UBR4: variants seen among roughly 807,000 people sequenced by gnomAD.
UBR4 encodes the protein E3 ubiquitin-protein ligase UBR4.
Under a neutral mutation model 575.6 loss-of-function variants are expected in UBR4, and 124 were observed. The ratio of observed to expected loss-of-function variants is 0.22; its 90% CI spans 0.19 to 0.25. The LOEUF (loss-of-function observed/expected upper bound fraction) is 0.25, where lower values mean the gene tolerates loss of function less well. Among genes scored for constraint, UBR4 ranks in the 10% least tolerant of loss-of-function variants. The pLI, the probability that UBR4 is intolerant of heterozygous loss-of-function variation, is 1.00. For missense variants in UBR4, 4,818 were observed against 6,478.8 expected (o/e 0.74, Z 8.80); for synonymous variants, 2,455 against 2,473.7 (o/e 0.99, Z 0.22).
intron 88 of UBR4, among the ~76,000 whole-genome samples, chr1:19,101,273 A>T (rs1021605171): frequency 1.3e-5 from 2 of 152,194 alleles, no homozygotes. Flanking sequence ...CCTAGTTTTT[A>T]AAAAAACATG....
At chr1:19,137,827 G>A (rs916350834) in intron 60 of UBR4, among the ~76,000 whole-genome samples, 180 bp downstream of exon 60, 3 of 152,176 alleles carry the variant, frequency 2.0e-5, no homozygotes, top group Non-Finnish European at 2.9e-5. Flanking sequence ...ATAATTCGAA[G>A]ACAAAGACAG....
In UBR4 at chr1:19,104,093, T is replaced by C; in HGVS notation, c.12892A>G (p.Met4298Val). ...CACTGGGCAGTGCTACCTGTGGTCATGTCCTCCAGCATCTCCAGCAGCATG... is the reference window on the plus strand; with the variant it reads ...CACTGGGCAGTGCTACCTGTGGTCACGTCCTCCAGCATCTCCAGCAGCATG... ...QDMLLEMLED[M>V]TTGTESETKA... Residue 4298 changes from methionine to valine, a missense_variant, in exon 87 of 106, where the codon ATG (methionine) becomes GTG (valine). By Grantham distance (21) the Met-to-Val change is conservative. Transcript: ENST00000375254. 1 of 1,614,212 alleles carries C rather than the reference T, an allele frequency of 6.2e-7. No individual in the cohort carries two copies.
At position 19,197,298 on chromosome 1, in the gene UBR4, T is replaced by C. The variant is rs1369988018; in HGVS notation, c.894-33A>G. ...ATGACAGAGATCAACAAGTGTCTCTTAGAATCATTCACTTCTATAATGTGA... is the reference window on the plus strand; with the variant it reads ...ATGACAGAGATCAACAAGTGTCTCTCAGAATCATTCACTTCTATAATGTGA... On this transcript the variant is annotated intron_variant, in intron 7 of 105. Coordinates refer to ENST00000375254, the MANE Select transcript of UBR4 (RefSeq NM_020765.3). The C allele has an allele frequency of 1.9e-6, 3 of 1,613,524 alleles. No individual in the cohort carries two copies. In the South Asian group the frequency reaches 3.3e-5, roughly 18 times the overall value.
At chr1:19,084,362 C>T in intron 102 of UBR4, 142 bp downstream of exon 102, 1 of 789,782 alleles carries the variant, frequency 1.3e-6, no homozygotes, top group Non-Finnish European at 1.9e-6. Flanking sequence ...ATGAGCATCC[C>T]CACCTCGGCA....
intron 20 of UBR4, among the ~76,000 whole-genome samples, chr1:19,175,260 G>T (rs1294459018): frequency 6.7e-6 from 1 of 149,852 alleles, no homozygotes; most frequent in Non-Finnish European, 1.5e-5. Flanking sequence ...ACCCCCAGTT[G>T]TGACAACCAA....
chr1:19,172,379 C>T lies in UBR4; in HGVS notation c.3521+485G>A, dbSNP rs182520955. On this transcript the variant is annotated intron_variant, in intron 25 of 105. Transcript: ENST00000375254. Reference sequence around the variant, plus strand: ...TAAAAACACAAAAATTAGCCAGGCACGGTGGTGCATGCCTGTAATCCCAGC... The same window carrying T: ...TAAAAACACAAAAATTAGCCAGGCATGGTGGTGCATGCCTGTAATCCCAGC... 3.4e-4 allele frequency among the ~76,000 whole-genome samples: 51 copies of T among 152,040 alleles called. 1 individual carries two copies. In the East Asian group the frequency reaches 7.8e-3, roughly 23 times the overall value.
At chr1:19,202,101 G>A (rs1051954930) in intron 1 of UBR4, among the ~76,000 whole-genome samples, 1 of 152,102 alleles carries the variant, frequency 6.6e-6, no homozygotes, top group Non-Finnish European at 1.5e-5. Flanking sequence ...GCTGAGGCAG[G>A]AGAATTGCTT....
intron 22 of UBR4, 52 bp from the exon 23 acceptor site, chr1:19,173,673 C>G: frequency 6.4e-7 from 1 of 1,561,890 alleles, no homozygotes; most frequent in Non-Finnish European, 8.8e-7. Flanking sequence ...GCCTCAAGAT[C>G]TCCCTCACAG....
chr1:19,120,420 C>T, intron 68 of UBR4, 72 bp from the exon 69 acceptor site: 1 of 1,524,260 alleles, frequency 6.6e-7, no homozygotes, highest in Middle Eastern at 1.8e-4. Flanking sequence ...GCCTGGGCTA[C>T]CAAATGGTGA....
chr1:19,121,462 C>A, intron 67 of UBR4, 28 bp from the exon 68 acceptor site: 1 of 1,600,004 alleles, frequency 6.2e-7, no homozygotes, highest in African/African-American at 1.3e-5. Context: ...AGAGGCTCAC[C>A]TCTGAGACGA....
At chr1:19,121,811 C>T in intron 67 of UBR4, 123 bp downstream of exon 67, 1 of 1,158,046 alleles carries the variant, frequency 8.6e-7, no homozygotes, top group Non-Finnish European at 1.2e-6. Context: ...AGACAGAGTT[C>T]TGTCTAGTCT....
At position 19,146,810 on chromosome 1, in the gene UBR4, C is replaced by G. The variant is rs1381010615; in HGVS notation, c.7804+16G>C. On this transcript the variant is annotated intron_variant, in intron 52 of 105. Transcript: ENST00000375254. Reference sequence around the variant, plus strand: ...GAAGCAGATCTCAGGACCACGGCCACAGAGGCCAAGTTCACCTGTTTCCAT... The same window carrying G: ...GAAGCAGATCTCAGGACCACGGCCAGAGAGGCCAAGTTCACCTGTTTCCAT... 3.7e-6 allele frequency: 6 copies of G among 1,607,850 alleles called. No homozygotes were observed. In the African/African-American group the frequency reaches 8.0e-5, roughly 21 times the overall value.
At chr1:19,197,600 C>G in intron 7 of UBR4, 70 bp downstream of exon 7, 2 of 1,576,086 alleles carry the variant, frequency 1.3e-6, no homozygotes, top group Non-Finnish European at 1.7e-6. Context: ...GCACTCCAGC[C>G]TGGGTGACAG....
At chr1:19,182,390 A>G (rs547762962) in intron 17 of UBR4, among the ~76,000 whole-genome samples, 74 of 151,898 alleles carry the variant, frequency 4.9e-4, no homozygotes, top group African/African-American at 1.7e-3. Context: ...TGCCCAGGCT[A>G]AAGTACAGTG....
At position 19,095,037 on chromosome 1, in the gene UBR4, G is replaced by A; in HGVS notation, c.13627-12C>T. ...TCAGCTACAAGGGCCTGTAGGAGAA[G>A]GAGACTCAGTCACTCTCAGAATAAG... On this transcript the variant is annotated splice_polypyrimidine_tract_variant and intron_variant, in intron 93 of 105. Transcript: ENST00000375254. The A allele has an allele frequency of 6.2e-7, 1 of 1,614,132 alleles. No individual in the cohort carries two copies. The highest frequency in any genetic ancestry group is 1.1e-5 in the South Asian group (1 of 91,080).
In UBR4 at chr1:19,080,862, CG is replaced by C. The variant is rs527846042; in HGVS notation, c.15233+486del. 2.1e-4 allele frequency: 32 copies of C among 154,704 alleles called. 1 individual carries two copies. In the South Asian group the frequency reaches 6.2e-3, roughly 30 times the overall value. 9.6% of individuals were successfully genotyped at this position (154,704 alleles called of 1,614,324 possible). ...GCTCTTTCTTGGGGAGGTGTCCACA[CG>C]TATAGGAGAGTGGTCTAGAGGAAGA... On this transcript the variant is annotated intron_variant, in intron 103 of 105. Coordinates refer to ENST00000375254, the MANE Select transcript of UBR4 (RefSeq NM_020765.3).
At chr1:19,145,046 A>C in intron 53 of UBR4, 139 bp from the exon 54 acceptor site, 25 of 896,762 alleles carry the variant, frequency 2.8e-5, no homozygotes, top group Non-Finnish European at 3.7e-5. Context: ...ATACACACTC[A>C]TTCACACACA....
At position 19,110,656 on chromosome 1, in the gene UBR4, C is replaced by T. The variant is rs978541123; in HGVS notation, c.11892+86G>A. 7.7e-5 allele frequency: 114 copies of T among 1,489,084 alleles called. 2 individuals carry two copies. The highest frequency in any genetic ancestry group is 5.7e-4 in the South Asian group (50 of 88,112). The allele number at this position is 1,489,084 out of a possible 1,614,324, so 92.2% of individuals were successfully genotyped here. A position where few individuals can be genotyped will look rare whatever the true frequency, so the allele number is the denominator to read the frequency against. On this transcript the variant is annotated intron_variant, in intron 79 of 105. Transcript: ENST00000375254. The surrounding 1 kb of genome is among the most constrained non-coding windows in gnomAD (Gnocchi z 4.5). Reference sequence around the variant, plus strand: ...TTCTGCTCCTTCCCTCCTCAGTCACCGCAGGACCTGGGAGGGGAAGCTGAG... The same window carrying T: ...TTCTGCTCCTTCCCTCCTCAGTCACTGCAGGACCTGGGAGGGGAAGCTGAG...
At chr1:19,208,122 A>G (rs2093099995) in intron 1 of UBR4, among the ~76,000 whole-genome samples, 1 of 152,208 alleles carries the variant, frequency 6.6e-6, no homozygotes, top group African/African-American at 2.4e-5. Context: ...CCTGCAGAGG[A>G]CACATAGGCT....
Sources: allele counts gnomAD v4.1 joint callset (sites outside exome capture counted in the v4.1 genomes callset), GRCh38; gene constraint gnomAD v4.1.1; non-coding constraint Gnocchi (gnomAD v3.1); transcripts MANE v1.5; gene names NCBI Gene and HGNC (gene_info 2026-07-23, HGNC 2026-07-21).